The following ILK variants were observed in gnomAD, a reference collection of about 807,000 sequenced individuals.
ILK encodes the protein integrin linked kinase, also known as scaffold protein ILK.
Under a neutral mutation model 57.8 loss-of-function variants are expected in ILK, and 37 were observed. The observed-to-expected ratio is 0.64, with a 90% CI of 0.49 to 0.84. The LOEUF (loss-of-function observed/expected upper bound fraction) is 0.84, where lower values mean the gene tolerates loss of function less well. Among genes scored for constraint, ILK ranks in the 40% least tolerant of loss-of-function variants. The pLI is 0.00. For synonymous variants in ILK, 231 were observed against 202.2 expected (o/e 1.14, Z -1.21); for missense variants, 528 against 595.7 (o/e 0.89, Z 1.18).
intron 2 of ILK, chr11:6,604,610 T>C: frequency 1.7e-6 from 1 of 595,428 alleles, no homozygotes. Context: ...GGCCAAAGGC[T>C]AGGGGGCAAG....
chr11:6,609,168 CCTT>C lies in ILK; in HGVS notation c.618+16_618+18del, dbSNP rs1325977793. 2.2e-5 allele frequency: 35 copies of C among 1,610,004 alleles called. No homozygotes were observed. Among genetic ancestry groups the C allele is most frequent in the Non-Finnish European group, 2.9e-5 (34 of 1,176,306 alleles). Reference sequence around the variant, plus strand: ...ATCACTCTGGAGAGGTGACCCCTGCCCTTCTTGCCCTTCCCTCACTAAACCCCC... The same window carrying C: ...ATCACTCTGGAGAGGTGACCCCTGCCCTTGCCCTTCCCTCACTAAACCCCC... On this transcript the variant is annotated intron_variant, in intron 7 of 12. Coordinates refer to ENST00000299421, the MANE Select transcript of ILK (RefSeq NM_004517.4).
At chr11:6,610,112 C>T in intron 11 of ILK, 36 bp from the exon 12 acceptor site, 2 of 1,614,124 alleles carry the variant, frequency 1.2e-6, no homozygotes, top group Middle Eastern at 1.6e-4. Context: ...ACAGGACAGG[C>T]AAGGGGGCCA....
At chr11:6,607,817 G>C (rs187764047) in intron 2 of ILK, 2 of 570,372 alleles carry the variant, frequency 3.5e-6, no homozygotes, top group Non-Finnish European at 6.3e-6. Context: ...ATATGGTGAA[G>C]ATAACACATT....
chr11:6,605,300 G>C (rs911698773), intron 2 of ILK, among the ~76,000 whole-genome samples: 2 of 152,098 alleles, frequency 1.3e-5, no homozygotes, highest in Non-Finnish European at 2.9e-5. Flanking sequence ...GAAGGAGAAC[G>C]TCTCAGGAGA....
chr11:6,604,440 T>C lies in ILK; in HGVS notation c.89+80T>C, dbSNP rs1200138492. ...GGAGTGGAGTGCTCATGTCTGGTGG[T>C]GGCGGCTGCCTTTGCTAGCCAGTGT... On this transcript the variant is annotated intron_variant, in intron 2 of 12. Coordinates refer to ENST00000299421, the MANE Select transcript of ILK (RefSeq NM_004517.4). The C allele has an allele frequency of 1.3e-5, 17 of 1,318,630 alleles. No homozygotes were observed. In the Admixed American group the frequency reaches 3.3e-4, roughly 26 times the overall value. The allele number at this position is 1,318,630 out of a possible 1,614,324, so 81.7% of individuals were successfully genotyped here.
intron 2 of ILK, chr11:6,604,574 A>G: frequency 1.6e-6 from 1 of 636,548 alleles, no homozygotes; most frequent in Non-Finnish European, 2.8e-6. Context: ...GGCTACAGAG[A>G]GCTTTCCAGC....
intron 2 of ILK, chr11:6,604,571 G>C: frequency 1.6e-6 from 1 of 641,716 alleles, no homozygotes; most frequent in Non-Finnish European, 2.8e-6. Context: ...AGAGGCTACA[G>C]AGAGCTTTCC....
rs1439612462 is a variant in ILK, at chr11:6,608,744, G to C, written c.402G>C (p.Glu134Asp). The change falls in exon 5 of 13, where the codon GAG (glutamate) becomes GAC (aspartate). Residue 134 changes from glutamate to aspartate, a missense_variant. Coordinates refer to ENST00000299421, the MANE Select transcript of ILK (RefSeq NM_004517.4). This position sits in a 1 kb window ranked among gnomAD's most constrained non-coding sequence, Gnocchi z 4.9. The stretch of plus-strand genomic sequence containing the variant: ...TCAGCATCTGTAACAAGTATGGAGA[G>C]ATGCCTGTGGACAAAGCCAAGGCAC... ...ALVSICNKYG[E>D]MPVDKAKAPL... The C allele has an allele frequency of 1.2e-6, 2 of 1,614,054 alleles. No individual in the cohort carries two copies. Among genetic ancestry groups the C allele is most frequent in the Admixed American group, 1.7e-5 (1 of 60,010 alleles).
rs767755937 is a variant in ILK, at chr11:6,609,499, C to T, written c.729-13C>T. 3 of 1,614,166 alleles carry T rather than the reference C, an allele frequency of 1.9e-6. No homozygotes were observed. The highest frequency in any genetic ancestry group is 2.5e-6 in the Non-Finnish European group (3 of 1,180,022). On this transcript the variant is annotated splice_polypyrimidine_tract_variant and intron_variant, in intron 8 of 12. Coordinates refer to ENST00000299421, the MANE Select transcript of ILK (RefSeq NM_004517.4). Reference sequence around the variant, plus strand: ...TTTTGTACTGGGTCTCAACCACTCCCTCCCTCTTCTAGGATTTTCTCGCAT... The same window carrying T: ...TTTTGTACTGGGTCTCAACCACTCCTTCCCTCTTCTAGGATTTTCTCGCAT...
rs759952356 is a variant in ILK at position 6,610,596 on chromosome 11, G to A, written c.1344G>A (p.Lys448=). The A allele has an allele frequency of 3.1e-6, 5 of 1,614,080 alleles. No homozygotes were observed. Among genetic ancestry groups the A allele is most frequent in the Admixed American group, 3.3e-5 (2 of 60,004 alleles). Residue 448 remains lysine, a synonymous_variant, in exon 13 of 13, where the codon AAG becomes AAA. Coordinates refer to ENST00000299421, the MANE Select transcript of ILK (RefSeq NM_004517.4). ...ACATGATTGTGCCTATCCTTGAGAA[G>A]ATGCAGGACAAGTAGGACTGGAAGG... ...KFDMIVPILE[K]MQDK is the part of the protein sequence containing the mutation.
At position 6,608,429 on chromosome 11, in the gene ILK, T is replaced by A; in HGVS notation, c.291T>A (p.Asn97Lys). Residue 97 changes from asparagine (N) to lysine (K), a missense_variant, in exon 4 of 13, where the codon AAT (asparagine) becomes AAA (lysine). Asn to Lys is a moderately conservative substitution (Grantham distance 94). Coordinates refer to ENST00000299421, the MANE Select transcript of ILK (RefSeq NM_004517.4). This position sits in a 1 kb window ranked among gnomAD's most constrained non-coding sequence, Gnocchi z 4.9. Reference sequence around the variant, plus strand: ...ACAAGGCAGACATCAATGCAGTGAATGAACACGGGAATGTGCCCCTGCACT... The same window carrying A: ...ACAAGGCAGACATCAATGCAGTGAAAGAACACGGGAATGTGCCCCTGCACT... ...LQYKADINAV[N>K]EHGNVPLHYA... 6.2e-7 allele frequency: 1 copy of A among 1,614,230 alleles called. No homozygotes were observed. Among genetic ancestry groups the A allele is most frequent in the Non-Finnish European group, 8.5e-7 (1 of 1,180,024 alleles).
In ILK at chr11:6,609,996, C is replaced by T; in HGVS notation, c.1039C>T (p.Pro347Ser). The T allele has an allele frequency of 3.1e-6, 5 of 1,614,186 alleles. No individual in the cohort carries two copies. The highest frequency in any genetic ancestry group is 4.2e-6 in the Non-Finnish European group (5 of 1,180,048). The change falls in exon 11 of 13, where the codon CCT becomes TCT. Residue 347 changes from proline (P) to serine (S), a missense_variant. Pro to Ser is a moderately conservative substitution (Grantham distance 74, BLOSUM62 -1). Transcript: ENST00000299421. Reference protein sequence around the residue: ...MADVKFSFQCPGRMYAPAWVA... With the variant: ...MADVKFSFQCSGRMYAPAWVA... Reference sequence around the variant, plus strand: ...TGATGTCAAGTTCTCTTTCCAATGTCCTGGTCGCATGTATGCACCTGCCTG... The same window carrying T: ...TGATGTCAAGTTCTCTTTCCAATGTTCTGGTCGCATGTATGCACCTGCCTG...
Position 6,609,960 on chromosome 11 carries a change from A to C in ILK, c.1003A>C (p.Ile335Leu). The C allele has an allele frequency of 6.2e-7, 1 of 1,614,162 alleles. No homozygotes were observed. The highest frequency in any genetic ancestry group is 8.5e-7 in the Non-Finnish European group (1 of 1,180,028). ...VMIDEDMTARISMADVKFSFQ... is the reference protein window; with the variant it reads ...VMIDEDMTARLSMADVKFSFQ... ...GATTGATGAGGACATGACTGCCCGA[A>C]TTAGCATGGCTGATGTCAAGTTCTC... The change falls in exon 11 of 13, where the codon ATT (isoleucine) becomes CTT (leucine). Residue 335 changes from isoleucine to leucine, a missense_variant. By Grantham distance (5) the Ile-to-Leu change is conservative. Coordinates refer to ENST00000299421, the MANE Select transcript of ILK (RefSeq NM_004517.4).
intron 8 of ILK, 27 bp from the exon 9 acceptor site, chr11:6,609,485 G>C: frequency 1.2e-6 from 2 of 1,614,052 alleles, no homozygotes; most frequent in Admixed American, 1.7e-5. Context: ...TTTGTACTGG[G>C]TCTCAACCAC....
chr11:6,609,743 C>T lies in ILK; in HGVS notation c.876C>T (p.Ser292=), dbSNP rs765504977. ...TCTCAGATTTCGTCGTGGACCAGAGCCAGGCTGTGAAGTTTGCTTTGGACA... is the reference window on the plus strand; with the variant it reads ...TCTCAGATTTCGTCGTGGACCAGAGTCAGGCTGTGAAGTTTGCTTTGGACA... ...HEGTNFVVDQ[S]QAVKFALDMA... is the part of the protein sequence containing the mutation. Residue 292 remains serine, a synonymous_variant, in exon 10 of 13, where the codon AGC becomes AGT. Coordinates refer to ENST00000299421, the MANE Select transcript of ILK (RefSeq NM_004517.4). 3.1e-6 allele frequency: 5 copies of T among 1,614,082 alleles called. No individual in the cohort carries two copies. The Admixed American group carries it at 5.0e-5, about 16-fold the overall frequency.
At chr11:6,605,097 G>A (rs1423065267) in intron 2 of ILK, among the ~76,000 whole-genome samples, 2 of 152,182 alleles carry the variant, frequency 1.3e-5, no homozygotes, top group Non-Finnish European at 2.9e-5. Flanking sequence ...ACTGGAGGAT[G>A]AGGCATTTTA....
At position 6,610,777 on chromosome 11, in the gene ILK, AG is replaced by A. The variant is rs1200644169; in HGVS notation, c.*170del. The A allele has an allele frequency of 2.2e-5, 29 of 1,316,632 alleles. No homozygotes were observed. The African/African-American group carries it at 3.6e-4, about 16-fold the overall frequency. 81.6% of individuals were successfully genotyped at this position (1,316,632 alleles called of 1,614,324 possible). A position where few individuals can be genotyped will look rare whatever the true frequency, so the allele number is the denominator to read the frequency against. ...CCATCCCTACCACTGTGGCCCCAAGAGGGGCGGGCTCAGAGCTTTGTCACTT... is the reference window on the plus strand; with the variant it reads ...CCATCCCTACCACTGTGGCCCCAAGAGGGCGGGCTCAGAGCTTTGTCACTT... On this transcript the variant is annotated 3_prime_UTR_variant, in exon 13 of 13. Coordinates refer to ENST00000299421, the MANE Select transcript of ILK (RefSeq NM_004517.4).
At position 6,608,034 on chromosome 11, in the gene ILK, CCT is replaced by C; in HGVS notation, c.90-11_90-10del. 6.2e-7 allele frequency: 1 copy of C among 1,613,690 alleles called. No homozygotes were observed. Among genetic ancestry groups the C allele is most frequent in the Non-Finnish European group, 8.5e-7 (1 of 1,179,930 alleles). ...CACCTCCAGCTCAATGACCATTGCC[CCT>C]TCCTCAAAGGGACGATCATGGCTTC... On this transcript the variant is annotated splice_polypyrimidine_tract_variant and intron_variant, in intron 2 of 12. Coordinates refer to ENST00000299421, the MANE Select transcript of ILK (RefSeq NM_004517.4). This position sits in a 1 kb window ranked among gnomAD's most constrained non-coding sequence, Gnocchi z 4.9.
At chr11:6,610,096 G>T in intron 11 of ILK, 52 bp from the exon 12 acceptor site, 1 of 1,614,084 alleles carries the variant, frequency 6.2e-7, no homozygotes, top group African/African-American at 1.3e-5. Context: ...GTGGAAGGGG[G>T]CAGAGACAGG....
Sources: gnomAD v4.1 joint callset for allele counts (sites outside exome capture counted in the v4.1 genomes callset) on GRCh38, gnomAD v4.1.1 for gene constraint, Gnocchi (gnomAD v3.1) non-coding constraint, MANE v1.5 for transcripts, NCBI Gene and HGNC (gene_info 2026-07-23, HGNC 2026-07-21) for gene names.